Variants in BTRC observed in about 807,000 individuals in gnomAD.
The protein encoded by BTRC is F-box/WD repeat-containing protein 1A.
In BTRC, 42 loss-of-function variants were observed where a neutral mutation model predicts 85.5. The ratio of observed to expected loss-of-function variants is 0.49; its 90% confidence interval spans 0.38 to 0.64. The LOEUF (loss-of-function observed/expected upper bound fraction) is 0.64. Among genes scored for constraint, BTRC ranks in the 30% least tolerant of loss-of-function variants. BTRC has a pLI of 0.00. For synonymous variants in BTRC, 255 were observed against 263.3 expected (o/e 0.97, Z 0.30); for missense variants, 594 against 743.5 (o/e 0.80, Z 2.34).
At chr10:101,550,362 G>T (rs1422833737) in intron 13 of BTRC, among the ~76,000 whole-genome samples, 1 of 151,668 alleles carries the variant, frequency 6.6e-6, no homozygotes, top group Non-Finnish European at 1.5e-5. Flanking sequence ...TCGGCTCACT[G>T]CAACCTCCAC....
chr10:101,411,880 G>A (rs1301306899), intron 1 of BTRC, among the ~76,000 whole-genome samples: 2 of 152,054 alleles, frequency 1.3e-5, no homozygotes, highest in Non-Finnish European at 2.9e-5. Flanking sequence ...GTTTATTTTG[G>A]TGCTCTTAAG....
chr10:101,388,297 G>C (rs1943137928), intron 1 of BTRC, among the ~76,000 whole-genome samples: 1 of 151,748 alleles, frequency 6.6e-6, no homozygotes, highest in Non-Finnish European at 1.5e-5. Flanking sequence ...AAGTAGCTAG[G>C]ACTACAGGTA....
At chr10:101,552,080 T>C (rs750890787) in intron 14 of BTRC, among the ~76,000 whole-genome samples, 20 of 152,222 alleles carry the variant, frequency 1.3e-4, no homozygotes, top group Admixed American at 3.9e-4. Context: ...TTTTTAATAT[T>C]CTTCCTGACT....
chr10:101,419,081 G>T (rs1436954556), intron 1 of BTRC, among the ~76,000 whole-genome samples: 1 of 151,302 alleles, frequency 6.6e-6, no homozygotes, highest in African/African-American at 2.4e-5. Flanking sequence ...CACGATCTTG[G>T]CTCACTGCAA....
chr10:101,354,163 C>T, upstream of BTRC: 1 of 1,548,772 alleles, frequency 6.5e-7, no homozygotes. Context: ...GAGAGCGGAC[C>T]CAGTGGCCTC....
intron 2 of BTRC, among the ~76,000 whole-genome samples, chr10:101,456,426 T>C (rs1401152849): frequency 1.3e-5 from 2 of 152,132 alleles, no homozygotes; most frequent in Non-Finnish European, 2.9e-5. Context: ...GAGTAAAAAC[T>C]GACTCTGAGG....
chr10:101,506,056 G>A (rs369928321), intron 4 of BTRC, among the ~76,000 whole-genome samples: 2 of 151,918 alleles, frequency 1.3e-5, no homozygotes, highest in East Asian at 1.9e-4. Context: ...TGGGACTACC[G>A]GTGCCGGCCA....
chr10:101,537,063 T>TA (rs1491547784), intron 12 of BTRC, among the ~76,000 whole-genome samples: 1 of 150,256 alleles, frequency 6.7e-6, no homozygotes, highest in Non-Finnish European at 1.5e-5. Context: ...TTGGGTTTTT[T>TA]ATCTCTTTGA....
rs758104561 is a variant in BTRC, at chr10:101,533,085, A to G, written c.1097+15A>G. ...TCCACGGTCAGGTAGAAAATTTCAAATGCTTTTTTGAACTCTGAAATATCA... is the reference window on the plus strand; with the variant it reads ...TCCACGGTCAGGTAGAAAATTTCAAGTGCTTTTTTGAACTCTGAAATATCA... On this transcript the variant is annotated intron_variant, in intron 9 of 14. Coordinates refer to ENST00000370187, the MANE Select transcript of BTRC (RefSeq NM_033637.4). 4 of 1,574,578 alleles carry G rather than the reference A, an allele frequency of 2.5e-6. No individual in the cohort carries two copies. Among genetic ancestry groups the G allele is most frequent in the Admixed American group, 3.3e-5 (2 of 59,840 alleles).
chr10:101,443,491 G>A (rs1461004954), intron 2 of BTRC, among the ~76,000 whole-genome samples: 1 of 152,170 alleles, frequency 6.6e-6, no homozygotes, highest in African/African-American at 2.4e-5. Flanking sequence ...ATGTGTATGT[G>A]TGCATACAAA....
chr10:101,500,894 T>C (rs917642050), intron 4 of BTRC, among the ~76,000 whole-genome samples: 3 of 152,226 alleles, frequency 2.0e-5, no homozygotes, highest in African/African-American at 7.2e-5. Context: ...TTGTGAAAAA[T>C]GTTTTTTAAA....
intron 3 of BTRC, among the ~76,000 whole-genome samples, chr10:101,475,838 T>C (rs1295636656): frequency 1.4e-5 from 2 of 147,332 alleles, no homozygotes; most frequent in Non-Finnish European, 3.0e-5. Context: ...ACCATAGGCA[T>C]GATTAGCACC....
chr10:101,464,333 G>GCA (rs1314625571), intron 3 of BTRC, among the ~76,000 whole-genome samples: 1 of 152,152 alleles, frequency 6.6e-6, no homozygotes, highest in Non-Finnish European at 1.5e-5. Context: ...ATTAAGTCCA[G>GCA]CACATACAGA....
At position 101,354,788 on chromosome 10, in the gene BTRC, T is replaced by C. The variant is rs552975061; in HGVS notation, c.48+560T>C. 4.0e-5 allele frequency among the ~76,000 whole-genome samples: 6 copies of C among 151,674 alleles called. No homozygotes were observed. The South Asian group carries it at 1.3e-3, about 32-fold the overall frequency. On this transcript the variant is annotated intron_variant, in intron 1 of 14. Coordinates refer to ENST00000370187, the MANE Select transcript of BTRC (RefSeq NM_033637.4). The stretch of plus-strand genomic sequence containing the variant: ...AGTTTTGTAGAATGAGGAGGGAGGA[T>C]AGCCTTTGCCTTGAGGGTGGAATCC...
chr10:101,371,683 G>A (rs929248678), intron 1 of BTRC, among the ~76,000 whole-genome samples: 1 of 152,166 alleles, frequency 6.6e-6, no homozygotes, highest in Non-Finnish European at 1.5e-5. Flanking sequence ...AAGCTTGTAC[G>A]TTTTGACCTT....
At position 101,535,389 on chromosome 10, in the gene BTRC, C is replaced by T. The variant is rs770820290; in HGVS notation, c.1383C>T (p.Thr461=). The T allele has an allele frequency of 1.2e-6, 2 of 1,613,824 alleles. No homozygotes were observed. The highest frequency in any genetic ancestry group is 1.3e-5 in the African/African-American group (1 of 74,870). ...CAAGTACTTGTGAATTTGTAAGGAC[C>T]TTAAATGGACACAAACGAGGCATTG... is the stretch of plus-strand genomic sequence containing the variant. The part of the protein sequence containing the change: ...WNTSTCEFVR[T]LNGHKRGIAC... The change falls in exon 11 of 15, where the codon ACC becomes ACT. Residue 461 remains threonine (T), a synonymous_variant. Coordinates refer to ENST00000370187, the MANE Select transcript of BTRC (RefSeq NM_033637.4).
At chr10:101,415,412 G>A (rs1943905095) in intron 1 of BTRC, among the ~76,000 whole-genome samples, 1 of 151,474 alleles carries the variant, frequency 6.6e-6, no homozygotes. Context: ...CTGGACTCAA[G>A]GGATCTGCCC....
At chr10:101,475,677 C>A (rs972336163) in intron 3 of BTRC, among the ~76,000 whole-genome samples, 3 of 151,736 alleles carry the variant, frequency 2.0e-5, no homozygotes, top group African/African-American at 7.3e-5. Context: ...AAATCAGATT[C>A]TTTAAAATAT....
Position 101,534,859 on chromosome 10 carries a change from A to T in BTRC, c.1296A>T (p.Val432=). 1.9e-6 allele frequency: 3 copies of T among 1,614,052 alleles called. No homozygotes were observed. Among genetic ancestry groups the T allele is most frequent in the Non-Finnish European group, 2.5e-6 (3 of 1,179,924 alleles). Residue 432 remains valine (V), a synonymous_variant, in exon 10 of 15, where the codon GTA becomes GTT. Coordinates refer to ENST00000370187, the MANE Select transcript of BTRC (RefSeq NM_033637.4). ...GACACCGAGCTGCTGTCAATGTTGT[A>T]GACTTTGATGACAAGTACATTGTTT... ...LVGHRAAVNV[V]DFDDKYIVSA... is the part of the protein sequence containing the mutation.
Sources: allele counts gnomAD v4.1 joint callset (sites outside exome capture counted in the v4.1 genomes callset), GRCh38; gene constraint gnomAD v4.1.1; transcripts MANE v1.5; gene names NCBI Gene and HGNC (gene_info 2026-07-23, HGNC 2026-07-21).